INPP4B: variants seen among roughly 807,000 people sequenced by gnomAD.
INPP4B encodes the protein inositol polyphosphate 4-phosphatase type II.
Under a neutral mutation model 122.5 loss-of-function variants are expected in INPP4B, and 55 were observed. The ratio of observed to expected loss-of-function variants is 0.45; its 90% CI spans 0.36 to 0.56. The LOEUF is 0.56. Among genes scored for constraint, INPP4B ranks in the 20% least tolerant of loss-of-function variants. The pLI is 0.00. For synonymous variants in INPP4B, 403 were observed against 388.7 expected (o/e 1.04, Z -0.43); for missense variants, 1,000 against 1,097.7 (o/e 0.91, Z 1.26).
chr4:142,231,875 T>C (rs1854527591), intron 12 of INPP4B, among the ~76,000 whole-genome samples: 2 of 152,238 alleles, frequency 1.3e-5, no homozygotes, highest in African/African-American at 4.8e-5. Context: ...AAAAAGAAAG[T>C]ATAGGATTTT....
At chr4:142,089,360 T>C (rs942365770) in intron 23 of INPP4B, among the ~76,000 whole-genome samples, 18 of 151,886 alleles carry the variant, frequency 1.2e-4, no homozygotes, top group Non-Finnish European at 2.5e-4. Context: ...AGCTGATACA[T>C]AACAATGCAA....
At chr4:142,043,068 T>C (rs1749141863) in intron 25 of INPP4B, among the ~76,000 whole-genome samples, 1 of 152,198 alleles carries the variant, frequency 6.6e-6, no homozygotes, top group South Asian at 2.1e-4. Context: ...GAAGTTTTTG[T>C]CCTTGGAAGT....
chr4:142,163,806 A>G (rs1821320252), intron 16 of INPP4B, among the ~76,000 whole-genome samples: 1 of 151,772 alleles, frequency 6.6e-6, no homozygotes. Flanking sequence ...ATACTAGGAA[A>G]GTTGAAGTCA....
intron 1 of INPP4B, among the ~76,000 whole-genome samples, chr4:142,785,169 C>A (rs1165537879): frequency 6.6e-6 from 1 of 152,008 alleles, no homozygotes; most frequent in Non-Finnish European, 1.5e-5. Flanking sequence ...AAATTTAAGC[C>A]TCTGGTACCT....
intron 7 of INPP4B, among the ~76,000 whole-genome samples, chr4:142,318,330 G>A (rs1208177648): frequency 6.6e-6 from 1 of 151,890 alleles, no homozygotes; most frequent in Non-Finnish European, 1.5e-5. Flanking sequence ...GAGAGAAGGA[G>A]GAATATGTCA....
chr4:142,809,242 G>T (rs910139504), intron 1 of INPP4B, among the ~76,000 whole-genome samples: 3 of 151,762 alleles, frequency 2.0e-5, no homozygotes, highest in Admixed American at 6.6e-5. Context: ...TATTTCTGTG[G>T]GTACATAGTA....
intron 7 of INPP4B, among the ~76,000 whole-genome samples, chr4:142,352,940 T>C (rs138793228): frequency 6.6e-6 from 1 of 151,930 alleles, no homozygotes; most frequent in African/African-American, 2.4e-5. Context: ...CACTTAGAAA[T>C]ATAGGGTGGT....
chr4:142,444,152 C>T (rs996195312), intron 3 of INPP4B, among the ~76,000 whole-genome samples: 1 of 152,146 alleles, frequency 6.6e-6, no homozygotes, highest in Non-Finnish European at 1.5e-5. Context: ...CTTTGACAGG[C>T]TAACCAGTAG....
At chr4:142,824,261 T>G (rs1781156367) in intron 1 of INPP4B, among the ~76,000 whole-genome samples, 1 of 148,478 alleles carries the variant, frequency 6.7e-6, no homozygotes, top group Non-Finnish European at 1.5e-5. Context: ...TAATAAATCC[T>G]CTTTTAACTA....
chr4:142,809,714 T>C (rs1779267110), intron 1 of INPP4B, among the ~76,000 whole-genome samples: 1 of 152,178 alleles, frequency 6.6e-6, no homozygotes, highest in Admixed American at 6.5e-5. Flanking sequence ...GAATGTTGCA[T>C]AAGTTATCCA....
At chr4:142,499,235 G>A (rs1452059553) in intron 2 of INPP4B, among the ~76,000 whole-genome samples, 1 of 152,062 alleles carries the variant, frequency 6.6e-6, no homozygotes, top group Non-Finnish European at 1.5e-5. Context: ...TGCCACTGGG[G>A]AACTGCTCTT....
chr4:142,073,399 G>T (rs953775217), intron 25 of INPP4B, among the ~76,000 whole-genome samples: 1 of 152,110 alleles, frequency 6.6e-6, no homozygotes, highest in African/African-American at 2.4e-5. Context: ...CATAAATACA[G>T]TTGCCTCCCA....
intron 14 of INPP4B, 90 bp downstream of exon 14, chr4:142,208,335 A>G (rs1843408524): frequency 3.5e-6 from 2 of 571,688 alleles, no homozygotes; most frequent in Non-Finnish European, 5.9e-6. Flanking sequence ...TATAATTGTT[A>G]AACTTTTGAA....
At chr4:142,040,292 C>T (rs925631646) in intron 25 of INPP4B, among the ~76,000 whole-genome samples, 19 of 152,102 alleles carry the variant, frequency 1.2e-4, no homozygotes, top group African/African-American at 1.9e-4. Flanking sequence ...GACCCTTGGT[C>T]GTTAGTCAGC....
At chr4:142,428,738 AAG>A (rs1346811973) in intron 5 of INPP4B, among the ~76,000 whole-genome samples, 1 of 152,080 alleles carries the variant, frequency 6.6e-6, no homozygotes, top group African/African-American at 2.4e-5. Context: ...ATCAATATGG[AAG>A]AGTCAGGGAA....
At chr4:142,284,806 G>C (rs1004951278) in intron 9 of INPP4B, among the ~76,000 whole-genome samples, 2 of 152,088 alleles carry the variant, frequency 1.3e-5, no homozygotes, top group Non-Finnish European at 2.9e-5. Flanking sequence ...AGTTTCCCCA[G>C]CCTGTTCAGC....
intron 11 of INPP4B, among the ~76,000 whole-genome samples, chr4:142,256,690 C>A (rs1013207028): frequency 1.6e-4 from 24 of 152,194 alleles, no homozygotes; most frequent in South Asian, 4.2e-4. Flanking sequence ...CAATAACAGG[C>A]TCTGAAATTG....
chr4:142,433,678 GC>G (rs1205384626), intron 3 of INPP4B, among the ~76,000 whole-genome samples: 5 of 152,126 alleles, frequency 3.3e-5, no homozygotes, highest in African/African-American at 1.2e-4. Context: ...TAATGAAGGG[GC>G]AAATGTGATG....
At position 142,735,768 on chromosome 4, in the gene INPP4B, G is replaced by A. The variant is rs188953102; in HGVS notation, c.-253-9867C>T. ...TGAAATTTCTCATTTTATTTTAAATGTATGTCCCCCACAAATTCTATTCTT... is the reference window on the plus strand; with the variant it reads ...TGAAATTTCTCATTTTATTTTAAATATATGTCCCCCACAAATTCTATTCTT... On this transcript the variant is annotated intron_variant, in intron 1 of 25. Coordinates refer to ENST00000262992, the MANE Select transcript of INPP4B (RefSeq NM_001101669.3). Among the ~76,000 whole-genome samples, 191 of 152,116 alleles carry A rather than the reference G, an allele frequency of 1.3e-3. 1 individual carries two copies. Among genetic ancestry groups the A allele is most frequent in the African/African-American group, 4.6e-3 (189 of 41,496 alleles).
Sources: gnomAD v4.1 joint callset for allele counts (sites outside exome capture counted in the v4.1 genomes callset) on GRCh38, gnomAD v4.1.1 for gene constraint, MANE v1.5 for transcripts, NCBI Gene and HGNC (gene_info 2026-07-23, HGNC 2026-07-21) for gene names.